The following SETD9 variants were observed in gnomAD, a reference collection of about 807,000 sequenced individuals.
SETD9 encodes the protein SET domain-containing protein 9.
Under a neutral mutation model 36.4 loss-of-function variants are expected in SETD9, and 37 were observed. The observed-to-expected ratio is 1.02, with a 90% confidence interval of 0.78 to 1.34. SETD9 has a LOEUF of 1.34. Among genes scored for constraint, SETD9 ranks in the 40% most tolerant of loss-of-function variants. The probability of loss-of-function intolerance (pLI) is 0.00; values close to 1 mark genes in which losing one functional copy is unlikely to be tolerated. For missense variants in SETD9, 323 were observed against 353.2 expected (o/e 0.91, Z 0.69); for synonymous variants, 128 against 132.9 (o/e 0.96, Z 0.26).
chr5:56,922,974 A>C (rs1156290603), intron 5 of SETD9: 4 of 641,820 alleles, frequency 6.2e-6, no homozygotes, highest in African/African-American at 1.8e-5. Context: ...AAATGAAAAT[A>C]CTCTTGATAA....
downstream of SETD9, among the ~76,000 whole-genome samples, chr5:56,917,599 G>A (rs1410700437): frequency 2.6e-5 from 4 of 152,198 alleles, no homozygotes; most frequent in Non-Finnish European, 2.9e-5. Flanking sequence ...CCCTGATTAT[G>A]TTTGGAGAAT....
At chr5:56,915,946 A>G (rs1271539347) in intron 5 of SETD9, among the ~76,000 whole-genome samples, 4 of 152,200 alleles carry the variant, frequency 2.6e-5, no homozygotes, top group Non-Finnish European at 5.9e-5. Context: ...TGGGTGACAG[A>G]GCCAGATCCT....
At chr5:56,921,792 CTATTT>C (rs1749686988), downstream of SETD9, 1 of 152,708 alleles carries the variant, frequency 6.5e-6, no homozygotes, top group African/African-American at 2.4e-5. Flanking sequence ...ACATAATTCT[CTATTT>C]TAACAGTACT....
rs368804179 is a variant in SETD9 at position 56,913,898 on chromosome 5, C to T, written c.615C>T (p.Leu205=). Residue 205 remains leucine (L), a synonymous_variant, in exon 4 of 6, where the codon CTC becomes CTT. Coordinates refer to ENST00000285947, the MANE Select transcript of SETD9 (RefSeq NM_153706.4). ...VYRSCNGRDR[L]GPLKMSDSTW... is the part of the protein sequence containing the mutation. ...GATCTTGCAATGGGAGGGATCGACTCGGCCCTTTAAAAATGAGTGATAGTA... is the reference window on the plus strand; with the variant it reads ...GATCTTGCAATGGGAGGGATCGACTTGGCCCTTTAAAAATGAGTGATAGTA... 47 of 1,612,768 alleles carry T rather than the reference C, an allele frequency of 2.9e-5. No homozygotes were observed. The highest frequency in any genetic ancestry group is 6.6e-5 in the South Asian group (6 of 91,064).
chr5:56,914,100 T>C, intron 4 of SETD9, 111 bp downstream of exon 4: 1 of 646,584 alleles, frequency 1.5e-6, no homozygotes, highest in Non-Finnish European at 2.6e-6. Flanking sequence ...AATAAGCTAG[T>C]CAAGTCCTTA....
intron 3 of SETD9, 73 bp downstream of exon 3, chr5:56,913,207 G>A (rs1749242753): frequency 1.3e-6 from 2 of 1,488,474 alleles, no homozygotes; most frequent in East Asian, 2.3e-5. Context: ...ATGACTAATA[G>A]CATTTGTACT....
chr5:56,910,962 A>G (rs900196810), intron 1 of SETD9: 9 of 421,600 alleles, frequency 2.1e-5, no homozygotes, highest in Admixed American at 4.1e-5. Context: ...TGGGCCTTTC[A>G]TAAGTACTGA....
chr5:56,923,616 G>C lies in SETD9; in HGVS notation c.813-1717G>C, dbSNP rs781651261. The C allele has an allele frequency of 3.4e-5, 54 of 1,611,404 alleles. No homozygotes were observed. In the Admixed American group the frequency reaches 8.9e-4, roughly 26 times the overall value. ...AAGGAATGGAAAATTGTTTAAGTAA[G>C]TGGTCCTATGACATCAAACAGAGGA... On this transcript the variant is annotated intron_variant, in intron 5 of 5. Coordinates refer to the SETD9 transcript ENST00000628593.
chr5:56,924,401 T>G (rs1234890849), intron 5 of SETD9, among the ~76,000 whole-genome samples: 1 of 152,236 alleles, frequency 6.6e-6, no homozygotes, highest in Non-Finnish European at 1.5e-5. Flanking sequence ...GTGAGGGTTC[T>G]TAACTTTGGA....
At chr5:56,928,728 G>T, downstream of SETD9, 1 of 1,413,750 alleles carries the variant, frequency 7.1e-7, no homozygotes, top group Non-Finnish European at 9.8e-7. Context: ...TACATTCACT[G>T]TAACTAGTAA....
At position 56,909,679 on chromosome 5, in the gene SETD9, C is replaced by G; in HGVS notation, c.34C>G (p.Arg12Gly). ...PGRLLRGLWQ[R>G]WRRYKYRFVP... is the part of the protein sequence containing the mutation. ...CCGTCTGCTGCGGGGCCTGTGGCAG[C>G]GATGGCGCCGTTACAAGTACCGCTT... Residue 12 changes from arginine (R) to glycine (G), a missense_variant, in exon 1 of 6, where the codon CGA becomes GGA. Transcript: ENST00000285947. 6.2e-7 allele frequency: 1 copy of G among 1,609,396 alleles called. No homozygotes were observed. The highest frequency in any genetic ancestry group is 8.5e-7 in the Non-Finnish European group (1 of 1,178,478).
intron 4 of SETD9, 138 bp from the exon 5 acceptor site, chr5:56,914,723 T>G (rs781576912): frequency 1.5e-5 from 6 of 405,476 alleles, no homozygotes; most frequent in Non-Finnish European, 1.7e-5. Context: ...ACTCTGACAG[T>G]ACCTGGAACA....
chr5:56,916,616 A>AT (rs1385460853), intron 5 of SETD9, among the ~76,000 whole-genome samples, 199 bp from the exon 6 acceptor site: 2 of 152,188 alleles, frequency 1.3e-5, no homozygotes, highest in Non-Finnish European at 2.9e-5. Flanking sequence ...TTGATTTGTG[A>AT]TTTTTTAAAT....
chr5:56,914,710 T>C, intron 4 of SETD9, 151 bp from the exon 5 acceptor site: 1 of 367,762 alleles, frequency 2.7e-6, no homozygotes, highest in East Asian at 4.2e-5. Flanking sequence ...TATACGTAAA[T>C]AAACTCTGAC....
chr5:56,918,491 C>A (rs1749517089), downstream of SETD9, among the ~76,000 whole-genome samples: 1 of 152,200 alleles, frequency 6.6e-6, no homozygotes, highest in African/African-American at 2.4e-5. Flanking sequence ...AAAATGACTT[C>A]TAGTAACAGA....
chr5:56,911,034 G>T, intron 1 of SETD9, 135 bp from the exon 2 acceptor site: 1 of 1,011,672 alleles, frequency 9.9e-7, no homozygotes, highest in Admixed American at 2.9e-5. Flanking sequence ...ATTCTTTTCT[G>T]AACTTAGTTT....
chr5:56,917,581 G>T (rs1198787141), downstream of SETD9, among the ~76,000 whole-genome samples: 1 of 152,166 alleles, frequency 6.6e-6, no homozygotes, highest in Non-Finnish European at 1.5e-5. Context: ...ACTGGAGGGA[G>T]ATTGACTCCC....
chr5:56,923,660 T>G (rs1266793812), intron 5 of SETD9: 1 of 1,613,910 alleles, frequency 6.2e-7, no homozygotes, highest in Admixed American at 1.7e-5. Flanking sequence ...TGCAACAAAC[T>G]GTACTAAATG....
At chr5:56,923,591 A>T in intron 5 of SETD9, 3 of 1,611,752 alleles carry the variant, frequency 1.9e-6, no homozygotes, top group Non-Finnish European at 2.5e-6. Context: ...CAAAGCTAAA[A>T]AGGAATGGAA....
Sources: allele counts gnomAD v4.1 joint callset (sites outside exome capture counted in the v4.1 genomes callset), GRCh38; gene constraint gnomAD v4.1.1; transcripts MANE v1.5; gene names NCBI Gene and HGNC (gene_info 2026-07-23, HGNC 2026-07-21).